Variants in RBM34 observed in about 807,000 individuals in gnomAD.
RBM34 encodes RNA-binding protein 34.
RBM34 carries 39 observed loss-of-function variants against 44.6 expected under a neutral mutation model. The ratio of observed to expected loss-of-function variants is 0.87; its 90% CI spans 0.68 to 1.14. The LOEUF is 1.14. RBM34 is among the 50% of genes most tolerant of loss of function. The pLI, the probability that RBM34 is intolerant of heterozygous loss-of-function variation, is 0.00. For missense variants in RBM34, 572 were observed against 517.9 expected, an observed-to-expected ratio of 1.10 and a Z score of -1.01; for synonymous variants, 194 against 184.0, an observed-to-expected ratio of 1.05 and a Z score of -0.44.
intron 6 of RBM34, among the ~76,000 whole-genome samples, chr1:235,145,281 C>CT (rs1228326266): frequency 0.16 from 23,360 of 142,142 alleles, 2,062 homozygotes; most frequent in Middle Eastern, 0.23. Flanking sequence ...CAAAAACATA[C>CT]TTTTTTTTTT....
intron 6 of RBM34, among the ~76,000 whole-genome samples, chr1:235,145,281 C>CTT (rs1228326266): frequency 2.3e-4 from 32 of 142,206 alleles, no homozygotes; most frequent in African/African-American, 2.3e-4. Flanking sequence ...CAAAAACATA[C>CTT]TTTTTTTTTT....
intron 3 of RBM34, among the ~76,000 whole-genome samples, chr1:235,158,142 C>T (rs1662530587): frequency 2.6e-5 from 4 of 151,724 alleles, no homozygotes; most frequent in Admixed American, 1.3e-4. Context: ...GGGCCAGGCG[C>T]GGTGGCTCAC....
At chr1:235,143,347 C>A (rs1446879189) in intron 6 of RBM34, among the ~76,000 whole-genome samples, 1 of 152,202 alleles carries the variant, frequency 6.6e-6, no homozygotes, top group East Asian at 1.9e-4. Context: ...GCAATCCGAC[C>A]AGGCAGTTTC....
At chr1:235,141,915 C>T (rs914975823) in intron 6 of RBM34, among the ~76,000 whole-genome samples, 11 of 152,228 alleles carry the variant, frequency 7.2e-5, no homozygotes, top group African/African-American at 2.7e-4. Flanking sequence ...GTAACACTCA[C>T]CGCGAGGGTC....
chr1:235,148,268 A>G, intron 6 of RBM34, 136 bp downstream of exon 6: 1 of 532,052 alleles, frequency 1.9e-6, no homozygotes, highest in Non-Finnish European at 3.1e-6. Flanking sequence ...TCTCAAATAC[A>G]GAAGCAAACA....
rs1205066459 is a variant in RBM34, at chr1:235,160,611, C to G, written c.265G>C (p.Glu89Gln). ...IKKTKRNEEE[E>Q]STSQIERPLS... The stretch of plus-strand genomic sequence containing the variant: ...GGTCTTTCAATCTGGGATGTACTTT[C>G]TTCCTCCTCATTCCGTTTCGTTTTT... The change falls in exon 3 of 11, where the codon GAA becomes CAA. Residue 89 changes from glutamate to glutamine, a missense_variant. Transcript: ENST00000408888. 8 of 1,613,342 alleles carry G rather than the reference C, an allele frequency of 5.0e-6. No individual in the cohort carries two copies. Among genetic ancestry groups the G allele is most frequent in the Non-Finnish European group, 6.8e-6 (8 of 1,179,788 alleles).
At chr1:235,148,522 T>TA (rs1282396363) in intron 5 of RBM34, 75 bp from the exon 6 acceptor site, 1 of 1,141,458 alleles carries the variant, frequency 8.8e-7, no homozygotes, top group African/African-American at 1.6e-5. Flanking sequence ...AAGTGAAGTC[T>TA]AAGTATCTAA....
At chr1:235,139,316 C>T (rs1275949531) in intron 6 of RBM34, among the ~76,000 whole-genome samples, 2 of 152,138 alleles carry the variant, frequency 1.3e-5, no homozygotes, top group Non-Finnish European at 2.9e-5. Context: ...TATACTAATG[C>T]TTTTGTATTG....
chr1:235,148,446 A>ATC lies in RBM34; in HGVS notation c.658-1_658dup (p.Ile220ArgfsTer15). ...TTTGGATAGCGTTCCCTCTGCTGGA[A>ATC]TCTTTCAAGAGAAAAAAAAAAGTAT... On this transcript the variant is annotated frameshift_variant and splice_region_variant, in exon 6 of 11. Coordinates refer to ENST00000408888, the MANE Select transcript of RBM34 (RefSeq NM_015014.4). LOFTEE classifies it high-confidence loss of function. 6.3e-7 allele frequency: 1 copy of ATC among 1,586,292 alleles called. No homozygotes were observed. The highest frequency in any genetic ancestry group is 8.6e-7 in the Non-Finnish European group (1 of 1,168,894).
intron 4 of RBM34, among the ~76,000 whole-genome samples, 191 bp downstream of exon 4, chr1:235,154,689 TG>T (rs1662318050): frequency 6.6e-6 from 1 of 152,120 alleles, no homozygotes; most frequent in Non-Finnish European, 1.5e-5. Flanking sequence ...AAATATAATC[TG>T]CAAAAGCCTG....
intron 6 of RBM34, among the ~76,000 whole-genome samples, chr1:235,147,901 AAGG>A (rs1276749563): frequency 6.6e-6 from 1 of 152,132 alleles, no homozygotes; most frequent in Non-Finnish European, 1.5e-5. Flanking sequence ...AAGGGCGAAC[AAGG>A]AGACTTGTAG....
chr1:235,145,590 T>C (rs1400899568), intron 6 of RBM34, among the ~76,000 whole-genome samples: 1 of 152,226 alleles, frequency 6.6e-6, no homozygotes, highest in African/African-American at 2.4e-5. Flanking sequence ...CATACTGTTT[T>C]TGTAAAGTAA....
Position 235,143,128 on chromosome 1 carries a change from T to C in RBM34, c.702-4954A>G, listed in dbSNP as rs147009335. Reference sequence around the variant, plus strand: ...CATTTCACCAAAGAATAGATACAAATAGTAAGCACATAAGATGCCTAACAT... The same window carrying C: ...CATTTCACCAAAGAATAGATACAAACAGTAAGCACATAAGATGCCTAACAT... On this transcript the variant is annotated intron_variant, in intron 6 of 10. Coordinates refer to ENST00000408888, the MANE Select transcript of RBM34 (RefSeq NM_015014.4). 5.4e-3 allele frequency among the ~76,000 whole-genome samples: 821 copies of C among 152,220 alleles called. 6 individuals carry two copies. Among genetic ancestry groups the C allele is most frequent in the Admixed American group, 5.0e-3 (76 of 15,300 alleles).
At chr1:235,139,493 CA>C (rs1031772068) in intron 6 of RBM34, among the ~76,000 whole-genome samples, 11 of 152,108 alleles carry the variant, frequency 7.2e-5, no homozygotes, top group Non-Finnish European at 1.5e-4. Context: ...GAAATGGCAA[CA>C]AGTGGCTGGC....
intron 3 of RBM34, among the ~76,000 whole-genome samples, chr1:235,156,915 A>T (rs2102863726): frequency 6.6e-6 from 1 of 152,372 alleles, no homozygotes; most frequent in Non-Finnish European, 1.5e-5. Flanking sequence ...GGCTTCTCAG[A>T]GGAGGAAATC....
intron 3 of RBM34, among the ~76,000 whole-genome samples, chr1:235,158,171 T>C (rs1662532122): frequency 6.6e-6 from 1 of 151,662 alleles, no homozygotes; most frequent in South Asian, 2.1e-4. Context: ...TCCCAGCACT[T>C]TGGGAGGCCA....
chr1:235,161,182 G>A lies in RBM34; in HGVS notation c.45C>T (p.Val15=), dbSNP rs184608793. ...TGCCGCGCGCCACTCACCCCTCCTG[G>A]ACACTTCTCTTTCTCTTCCGTTTGC... ...GMSKRKRKRS[V]QEGENPDDGV... Residue 15 remains valine (V), a synonymous_variant, in exon 1 of 11, where the codon GTC becomes GTT. Coordinates refer to ENST00000408888, the MANE Select transcript of RBM34 (RefSeq NM_015014.4). 250 of 1,607,374 alleles carry A rather than the reference G, an allele frequency of 1.6e-4. 2 individuals are homozygous for A. In the East Asian group the frequency reaches 3.6e-3, roughly 23 times the overall value.
intron 3 of RBM34, among the ~76,000 whole-genome samples, chr1:235,159,869 C>A (rs373820314): frequency 8.0e-4 from 112 of 140,100 alleles, no homozygotes; most frequent in South Asian, 1.6e-3. Flanking sequence ...AACTCCGTCT[C>A]AAAAAAAAAA....
chr1:235,149,097 GT>G (rs1662040630), intron 5 of RBM34, among the ~76,000 whole-genome samples: 1 of 151,754 alleles, frequency 6.6e-6, no homozygotes, highest in Admixed American at 6.6e-5. Flanking sequence ...CATGAAAAAT[GT>G]AAGGAAAAGG....
Sources: gnomAD v4.1 joint callset for allele counts (sites outside exome capture counted in the v4.1 genomes callset) on GRCh38, gnomAD v4.1.1 for gene constraint, MANE v1.5 for transcripts, NCBI Gene and HGNC (gene_info 2026-07-23, HGNC 2026-07-21) for gene names.